CNTNAP2: variants seen among roughly 807,000 people sequenced by gnomAD.
CNTNAP2 encodes the protein contactin associated protein 2, also known as contactin-associated protein-like 2.
In CNTNAP2, 98 loss-of-function variants were observed where a neutral mutation model predicts 155.2. The ratio of observed to expected loss-of-function variants is 0.63; its 90% CI spans 0.54 to 0.75. The LOEUF (loss-of-function observed/expected upper bound fraction) is 0.75, where lower values mean the gene tolerates loss of function less well. CNTNAP2 is among the 30% of genes least tolerant of loss of function. The probability of loss-of-function intolerance (pLI) is 0.00; values close to 1 mark genes in which losing one functional copy is unlikely to be tolerated. For synonymous variants in CNTNAP2, 651 were observed against 631.2 expected, an observed-to-expected ratio of 1.03 and a Z score of -0.47; for missense variants, 1,727 against 1,688.1, an observed-to-expected ratio of 1.02 and a Z score of -0.40.
At chr7:147,509,460 C>T (rs575440213) in intron 11 of CNTNAP2, among the ~76,000 whole-genome samples, 80 of 152,250 alleles carry the variant, frequency 5.3e-4, no homozygotes, top group Middle Eastern at 3.4e-3. Flanking sequence ...GACTTTTTTG[C>T]TTGAAGGAAA....
chr7:146,349,448 T>C (rs1204176340), intron 1 of CNTNAP2, among the ~76,000 whole-genome samples: 1 of 152,214 alleles, frequency 6.6e-6, no homozygotes, highest in African/African-American at 2.4e-5. Flanking sequence ...TGCAAACTTA[T>C]GCATCTATAA....
chr7:148,090,287 A>G (rs185286346), intron 15 of CNTNAP2, among the ~76,000 whole-genome samples: 161 of 152,186 alleles, frequency 1.1e-3, no homozygotes, highest in Middle Eastern at 6.8e-3. Flanking sequence ...CTTCTGCACA[A>G]CAAAGGAAAC....
intron 1 of CNTNAP2, among the ~76,000 whole-genome samples, chr7:146,395,901 A>C (rs1795619678): frequency 6.6e-6 from 1 of 151,980 alleles, no homozygotes; most frequent in Non-Finnish European, 1.5e-5. Flanking sequence ...AAAGGCAAAA[A>C]TGAGTATCTC....
At chr7:147,623,090 G>T (rs1002108051) in intron 12 of CNTNAP2, among the ~76,000 whole-genome samples, 1 of 151,908 alleles carries the variant, frequency 6.6e-6, no homozygotes, top group African/African-American at 2.4e-5. Flanking sequence ...CTGAAGATAT[G>T]AATATCCAGT....
intron 1 of CNTNAP2, among the ~76,000 whole-genome samples, chr7:146,756,965 T>G (rs1802005448): frequency 6.6e-6 from 1 of 152,124 alleles, no homozygotes. Context: ...ACCCCACAGT[T>G]CAATAACTCA....
At chr7:146,461,930 A>G (rs895046138) in intron 1 of CNTNAP2, among the ~76,000 whole-genome samples, 3 of 152,118 alleles carry the variant, frequency 2.0e-5, no homozygotes, top group Non-Finnish European at 4.4e-5. Context: ...AAGATAAAAT[A>G]TTTTCTTGTT....
chr7:147,935,043 G>C (rs2710093), intron 14 of CNTNAP2, among the ~76,000 whole-genome samples: 105,334 of 151,574 alleles, frequency 0.69, 40,344 homozygotes, highest in Non-Finnish European at 0.85. Flanking sequence ...ACGTCCTTTG[G>C]TCATACAGTT....
intron 12 of CNTNAP2, chr7:147,638,825 C>T: frequency 1.9e-6 from 1 of 539,922 alleles, no homozygotes; most frequent in Admixed American, 3.0e-5. Context: ...GTTAGAGCAC[C>T]AACAAGATAC....
At chr7:148,110,221 A>C (rs1400020179) in intron 15 of CNTNAP2, among the ~76,000 whole-genome samples, 1 of 152,124 alleles carries the variant, frequency 6.6e-6, no homozygotes, top group Non-Finnish European at 1.5e-5. Context: ...GGCCTGCATT[A>C]GTAAGACCTG....
intron 8 of CNTNAP2, among the ~76,000 whole-genome samples, chr7:147,199,079 A>C (rs1425319115): frequency 6.7e-6 from 1 of 148,222 alleles, no homozygotes; most frequent in Non-Finnish European, 1.5e-5. Flanking sequence ...CTCCTGTCTC[A>C]GCCTCCCGTG....
rs534755794 is a variant in CNTNAP2 at position 146,174,141 on chromosome 7, G to A, written c.97+57168G>A. On this transcript the variant is annotated intron_variant, in intron 1 of 23. Transcript: ENST00000361727. ...GATTGCGTTGAGCCCAGGGGAGGACGCAGTGAGCTATAATCCTGCCATTGC... is the reference window on the plus strand; with the variant it reads ...GATTGCGTTGAGCCCAGGGGAGGACACAGTGAGCTATAATCCTGCCATTGC... Among the ~76,000 whole-genome samples, 7 of 151,756 alleles carry A rather than the reference G, an allele frequency of 4.6e-5. No homozygotes were observed. The South Asian group carries it at 6.3e-4, about 14-fold the overall frequency.
chr7:146,643,936 G>A (rs1256180375), intron 1 of CNTNAP2, among the ~76,000 whole-genome samples: 4 of 151,982 alleles, frequency 2.6e-5, no homozygotes, highest in Non-Finnish European at 5.9e-5. Flanking sequence ...GTGAATGGGA[G>A]TTCACTCATG....
Position 147,933,362 on chromosome 7 carries a change from A to G in CNTNAP2, c.2255+29641A>G, listed in dbSNP as rs550477018. Reference sequence around the variant, plus strand: ...ATTAAAATTAGAATCTTAAAGAGATATATGGACCCCATGTTCACTGCAGCA... The same window carrying G: ...ATTAAAATTAGAATCTTAAAGAGATGTATGGACCCCATGTTCACTGCAGCA... On this transcript the variant is annotated intron_variant, in intron 14 of 23. Coordinates refer to ENST00000361727, the MANE Select transcript of CNTNAP2 (RefSeq NM_014141.6). Among the ~76,000 whole-genome samples the G allele has an allele frequency of 1.5e-4, 23 of 152,296 alleles. No individual in the cohort carries two copies. In the East Asian group the frequency reaches 4.2e-3, roughly 28 times the overall value.
intron 15 of CNTNAP2, among the ~76,000 whole-genome samples, chr7:148,027,494 G>A (rs184036399): frequency 1.6e-4 from 24 of 152,288 alleles, no homozygotes; most frequent in African/African-American, 5.1e-4. Context: ...TGGGTTCATG[G>A]AATGTTACAA....
At chr7:147,842,667 G>A (rs1426155762) in intron 13 of CNTNAP2, among the ~76,000 whole-genome samples, 3 of 88,482 alleles carry the variant, frequency 3.4e-5, no homozygotes, top group Admixed American at 1.5e-4. Context: ...ATGTATACAT[G>A]TGCCATGCTG....
intron 8 of CNTNAP2, among the ~76,000 whole-genome samples, chr7:147,224,886 T>C (rs1367197130): frequency 6.6e-6 from 1 of 152,172 alleles, no homozygotes; most frequent in East Asian, 1.9e-4. Context: ...AGTTTCTTGA[T>C]TTTGTTTTTT....
At position 146,893,474 on chromosome 7, in the gene CNTNAP2, C is replaced by CAT. The variant is rs752030161; in HGVS notation, c.402+53581_402+53582dup. Among the ~76,000 whole-genome samples the CAT allele has an allele frequency of 8.0e-3, 756 of 94,486 alleles. 9 individuals are homozygous for CAT. The highest frequency in any genetic ancestry group is 0.034 in the African/African-American group (651 of 19,262). The allele number at this position is 94,486 out of a possible 152,430, so 62.0% of individuals were successfully genotyped here. On this transcript the variant is annotated intron_variant, in intron 3 of 23. Coordinates refer to ENST00000361727, the MANE Select transcript of CNTNAP2 (RefSeq NM_014141.6). The stretch of plus-strand genomic sequence containing the variant: ...ATGTGTGTGTGTATATATATACATA[C>CAT]ATATATATATATGGAGAGAGAGAGA...
intron 14 of CNTNAP2, among the ~76,000 whole-genome samples, chr7:147,923,388 A>G (rs1459003756): frequency 6.6e-6 from 1 of 152,140 alleles, no homozygotes; most frequent in Admixed American, 6.5e-5. Context: ...CCACGTTGGG[A>G]GGGAGGCAGA....
At chr7:146,603,361 G>A (rs531890790) in intron 1 of CNTNAP2, among the ~76,000 whole-genome samples, 33 of 150,506 alleles carry the variant, frequency 2.2e-4, no homozygotes, top group African/African-American at 7.3e-4. Flanking sequence ...GCAGTGAGCC[G>A]AGACCGCGCC....
Sources: allele counts gnomAD v4.1 joint callset (sites outside exome capture counted in the v4.1 genomes callset), GRCh38; gene constraint gnomAD v4.1.1; transcripts MANE v1.5; gene names NCBI Gene and HGNC (gene_info 2026-07-23, HGNC 2026-07-21).